KCNIP4: variants seen among roughly 807,000 people sequenced by gnomAD.
The protein encoded by KCNIP4 is potassium voltage-gated channel interacting protein 4, also known as Kv channel-interacting protein 4.
In KCNIP4, 12 loss-of-function variants were observed where a neutral mutation model predicts 34.0. The observed-to-expected ratio is 0.35, with a 90% confidence interval of 0.23 to 0.57. The LOEUF (loss-of-function observed/expected upper bound fraction) is 0.57, where lower values mean the gene tolerates loss of function less well. Ranked by LOEUF, KCNIP4 falls within the 20% of genes least tolerant of loss-of-function variation. The pLI is 0.83. For synonymous variants in KCNIP4, 124 were observed against 102.2 expected, an observed-to-expected ratio of 1.21 and a Z score of -1.29; for missense variants, 238 against 311.7, an observed-to-expected ratio of 0.76 and a Z score of 1.78.
At chr4:20,769,125 A>G (rs1443088886) in intron 3 of KCNIP4, among the ~76,000 whole-genome samples, 1 of 152,140 alleles carries the variant, frequency 6.6e-6, no homozygotes, top group African/African-American at 2.4e-5. Flanking sequence ...TAATGAAGAA[A>G]TAATTGAAAA....
chr4:21,780,709 C>G (rs1471182316), intron 1 of KCNIP4, among the ~76,000 whole-genome samples: 2 of 152,186 alleles, frequency 1.3e-5, no homozygotes, highest in Admixed American at 6.5e-5. Flanking sequence ...ATCAATCAAC[C>G]TGTGTTCATT....
At chr4:21,098,531 T>C (rs1014396830) in intron 1 of KCNIP4, among the ~76,000 whole-genome samples, 2 of 152,206 alleles carry the variant, frequency 1.3e-5, no homozygotes, top group African/African-American at 2.4e-5. Context: ...GTGTTTGTCC[T>C]GTTTCCCATA....
chr4:21,822,637 T>C (rs573949739), intron 1 of KCNIP4, among the ~76,000 whole-genome samples: 6 of 152,124 alleles, frequency 3.9e-5, no homozygotes, highest in Non-Finnish European at 8.8e-5. Context: ...AGATGGTTTA[T>C]GTATATTTAA....
At chr4:21,054,605 T>C (rs539302044) in intron 1 of KCNIP4, among the ~76,000 whole-genome samples, 13 of 151,200 alleles carry the variant, frequency 8.6e-5, no homozygotes, top group African/African-American at 3.2e-4. Flanking sequence ...AGTCAACTGG[T>C]CTTTTACAAA....
chr4:21,345,732 A>T (rs947475996), intron 1 of KCNIP4, among the ~76,000 whole-genome samples: 3 of 152,084 alleles, frequency 2.0e-5, no homozygotes, highest in Non-Finnish European at 2.9e-5. Flanking sequence ...TTTCTTTATT[A>T]TATTAGCAGA....
intron 1 of KCNIP4, among the ~76,000 whole-genome samples, chr4:21,637,556 G>A (rs1241301135): frequency 6.6e-6 from 1 of 151,942 alleles, no homozygotes; most frequent in Non-Finnish European, 1.5e-5. Flanking sequence ...ACTGAGGCGG[G>A]TGGATGGCTT....
At chr4:21,786,931 A>G (rs1319357956) in intron 1 of KCNIP4, among the ~76,000 whole-genome samples, 1 of 152,122 alleles carries the variant, frequency 6.6e-6, no homozygotes, top group Non-Finnish European at 1.5e-5. Flanking sequence ...TTATGTCTCT[A>G]GCCTAAGAAC....
chr4:21,579,372 A>G (rs2109068246), intron 1 of KCNIP4, among the ~76,000 whole-genome samples: 1 of 152,322 alleles, frequency 6.6e-6, no homozygotes, highest in East Asian at 1.9e-4. Context: ...ATCCCAGAAG[A>G]ATATATTAAG....
At chr4:21,822,101 C>A (rs1210796207) in intron 1 of KCNIP4, among the ~76,000 whole-genome samples, 1 of 152,160 alleles carries the variant, frequency 6.6e-6, no homozygotes, top group African/African-American at 2.4e-5. Context: ...CAGGATTACA[C>A]ATGAATTCAT....
intron 1 of KCNIP4, among the ~76,000 whole-genome samples, chr4:21,525,841 GTAATTATTTCCTATC>G (rs1735927546): frequency 6.6e-6 from 1 of 152,104 alleles, no homozygotes; most frequent in African/African-American, 2.4e-5. Flanking sequence ...GAAATCAGCA[GTAATTATTTCCTATC>G]TAATTTTTAT....
intron 4 of KCNIP4, among the ~76,000 whole-genome samples, chr4:20,754,308 G>T (rs1315269598): frequency 1.3e-5 from 2 of 152,188 alleles, no homozygotes; most frequent in Non-Finnish European, 2.9e-5. Context: ...ATTGCAGAGA[G>T]TTCTGTAGAT....
rs565743825 is a variant in KCNIP4 at position 21,017,911 on chromosome 4, G to A, written c.62-135202C>T. ...GACTGGCATGAGATGGTATCTCATT[G>A]TGGTTTTGATTTGCATTTCTCCAAT... On this transcript the variant is annotated intron_variant, in intron 1 of 8. Transcript: ENST00000382152. 2.0e-5 allele frequency among the ~76,000 whole-genome samples: 3 copies of A among 152,228 alleles called. No individual in the cohort carries two copies. The East Asian group carries it at 5.8e-4, about 29-fold the overall frequency.
intron 1 of KCNIP4, among the ~76,000 whole-genome samples, chr4:21,380,074 AT>A (rs914927902): frequency 6.6e-5 from 10 of 151,910 alleles, no homozygotes; most frequent in Admixed American, 4.6e-4. Flanking sequence ...AGATATTGCT[AT>A]TTTTTTCCAT....
chr4:21,066,360 T>C (rs1020439249), intron 1 of KCNIP4, among the ~76,000 whole-genome samples: 1 of 152,122 alleles, frequency 6.6e-6, no homozygotes, highest in Non-Finnish European at 1.5e-5. Flanking sequence ...AACACCACAT[T>C]GACCAACTAT....
At chr4:21,147,057 G>T (rs2109230376) in intron 1 of KCNIP4, among the ~76,000 whole-genome samples, 1 of 152,246 alleles carries the variant, frequency 6.6e-6, no homozygotes, top group South Asian at 2.1e-4. Context: ...CCTGGGAGGT[G>T]GACCAGAAGG....
intron 5 of KCNIP4, among the ~76,000 whole-genome samples, chr4:20,743,146 T>C (rs1001461581): frequency 1.9e-4 from 29 of 151,978 alleles, no homozygotes; most frequent in South Asian, 8.3e-4. Flanking sequence ...GAACATTCCA[T>C]GTTCATGGAT....
intron 1 of KCNIP4, among the ~76,000 whole-genome samples, chr4:21,930,244 T>C (rs1729488333): frequency 6.6e-6 from 1 of 152,156 alleles, no homozygotes; most frequent in Admixed American, 6.6e-5. Flanking sequence ...CTTCCACTTA[T>C]TCTGATACAG....
chr4:20,795,668 T>C (rs564843783), intron 3 of KCNIP4, among the ~76,000 whole-genome samples: 5 of 152,306 alleles, frequency 3.3e-5, no homozygotes, highest in Non-Finnish European at 2.9e-5. Context: ...TGGTACATTG[T>C]TGCCTACCAT....
intron 1 of KCNIP4, among the ~76,000 whole-genome samples, chr4:21,651,395 G>A (rs186196206): frequency 1.0e-3 from 159 of 152,306 alleles, no homozygotes; most frequent in Middle Eastern, 3.4e-3. Context: ...GCCATCTAAT[G>A]AAGATTAGGG....
Sources: gnomAD v4.1 joint callset for allele counts (sites outside exome capture counted in the v4.1 genomes callset) on GRCh38, gnomAD v4.1.1 for gene constraint, MANE v1.5 for transcripts, NCBI Gene and HGNC (gene_info 2026-07-23, HGNC 2026-07-21) for gene names.